Variants in ANKRD11 observed in about 807,000 individuals in gnomAD.
ANKRD11 encodes the protein ankyrin repeat domain 11.
ANKRD11 carries 17 observed loss-of-function variants against 195.7 expected under a neutral mutation model. The ratio of observed to expected loss-of-function variants is 0.09; its 90% confidence interval spans 0.06 to 0.13. ANKRD11 has a LOEUF of 0.13. ANKRD11 is among the 10% of genes least tolerant of loss of function. The pLI is 1.00. For synonymous variants in ANKRD11, 1,953 were observed against 1,528.1 expected, an observed-to-expected ratio of 1.28 and a Z score of -6.49; for missense variants, 3,735 against 3,566.1, an observed-to-expected ratio of 1.05 and a Z score of -1.21.
chr16:89,278,820 G>A (rs954412615), intron 9 of ANKRD11: 7 of 675,606 alleles, frequency 1.0e-5, no homozygotes, highest in African/African-American at 8.8e-5. Context: ...CACCCAGGGT[G>A]AGGGGGAGGT....
At chr16:89,475,396 G>C (rs761753081) in intron 1 of ANKRD11, among the ~76,000 whole-genome samples, 3 of 152,016 alleles carry the variant, frequency 2.0e-5, no homozygotes, top group Non-Finnish European at 4.4e-5. Context: ...TGAAAGCCCC[G>C]TAACCCACCA....
Position 89,279,483 on chromosome 16 carries a change from G to T in ANKRD11, c.7059C>A (p.Pro2353=), listed in dbSNP as rs896510600. Residue 2353 remains proline, a synonymous_variant, in exon 9 of 13, where the codon CCC becomes CCA. Coordinates refer to ENST00000301030, the MANE Select transcript of ANKRD11 (RefSeq NM_013275.6). This position sits in a 1 kb window ranked among gnomAD's most constrained non-coding sequence, Gnocchi z 5.6. ...TGGGGGCGCACTCCTTCTCGGAGGG[G>T]GGCGGGCCCTGCTTGCTCTGGTTCG... ...MLANQSKQGP[P]PSEKECAPTP... 10 of 1,365,832 alleles carry T rather than the reference G, an allele frequency of 7.3e-6. No homozygotes were observed. In the Admixed American group the frequency reaches 8.3e-5, roughly 11 times the overall value. 84.6% of individuals were successfully genotyped at this position (1,365,832 alleles called of 1,614,324 possible). A position where few individuals can be genotyped will look rare whatever the true frequency, so the allele number is the denominator to read the frequency against.
At chr16:89,447,811 T>C (rs1426770419) in intron 1 of ANKRD11, among the ~76,000 whole-genome samples, 2 of 150,782 alleles carry the variant, frequency 1.3e-5, no homozygotes, top group Admixed American at 1.3e-4. Flanking sequence ...TTTCTTTTTT[T>C]TTTTTTTTTT....
At chr16:89,315,710 T>A (rs2036913314) in intron 3 of ANKRD11, among the ~76,000 whole-genome samples, 1 of 152,186 alleles carries the variant, frequency 6.6e-6, no homozygotes, top group South Asian at 2.1e-4. Flanking sequence ...ATCAAGGGTC[T>A]CAGAGCTGCT....
At chr16:89,485,054 A>C (rs1425095255) in intron 1 of ANKRD11, among the ~76,000 whole-genome samples, 2 of 145,928 alleles carry the variant, frequency 1.4e-5, no homozygotes, top group Non-Finnish European at 3.0e-5. Flanking sequence ...GGAAGCCCAG[A>C]AGACTGGATT....
chr16:89,388,979 A>G (rs2041053711), intron 2 of ANKRD11, among the ~76,000 whole-genome samples: 1 of 152,220 alleles, frequency 6.6e-6, no homozygotes, highest in African/African-American at 2.4e-5. Flanking sequence ...TCCAGCACAT[A>G]ATGAGGTAAA....
chr16:89,398,735 T>C (rs570438417), intron 2 of ANKRD11, among the ~76,000 whole-genome samples: 62 of 151,710 alleles, frequency 4.1e-4, no homozygotes, highest in Admixed American at 7.2e-4. Flanking sequence ...CAGAGAGAGA[T>C]TGTGTGTCCA....
chr16:89,400,060 C>T lies in ANKRD11; in HGVS notation c.-60+18224G>A, dbSNP rs1276377747. Reference sequence around the variant, plus strand: ...TCATCTGCTGCCCCAGGCTTCCCTGCGCTGGGGGCCGGTCATCTGCTGCCC... The same window carrying T: ...TCATCTGCTGCCCCAGGCTTCCCTGTGCTGGGGGCCGGTCATCTGCTGCCC... On this transcript the variant is annotated intron_variant, in intron 2 of 12. Coordinates refer to ENST00000301030, the MANE Select transcript of ANKRD11 (RefSeq NM_013275.6). Among the ~76,000 whole-genome samples, 3 of 79,412 alleles carry T rather than the reference C, an allele frequency of 3.8e-5. 1 individual carries two copies. Among genetic ancestry groups the T allele is most frequent in the Non-Finnish European group, 7.8e-5 (3 of 38,484 alleles). The allele number at this position is 79,412 out of a possible 152,430, so 52.1% of individuals were successfully genotyped here. A position where few individuals can be genotyped will look rare whatever the true frequency, so the allele number is the denominator to read the frequency against.
At chr16:89,489,026 T>A (rs538094628) in intron 1 of ANKRD11, 2 of 152,244 alleles carry the variant, frequency 1.3e-5, no homozygotes, top group African/African-American at 4.8e-5. Context: ...GAAGCTGATA[T>A]ATAACACTAA....
At chr16:89,276,469 G>A (rs904581186) in intron 9 of ANKRD11, among the ~76,000 whole-genome samples, 6 of 152,202 alleles carry the variant, frequency 3.9e-5, no homozygotes, top group Admixed American at 1.3e-4. Context: ...TCCAGGTCAC[G>A]TCACCTATGA....
chr16:89,423,132 G>A (rs1047058169), intron 1 of ANKRD11, among the ~76,000 whole-genome samples: 2 of 152,222 alleles, frequency 1.3e-5, no homozygotes, highest in African/African-American at 2.4e-5. Context: ...CCTCCCGTGA[G>A]CCACCTTCCC....
chr16:89,466,679 T>C (rs2056896597), intron 1 of ANKRD11, among the ~76,000 whole-genome samples: 1 of 152,148 alleles, frequency 6.6e-6, no homozygotes, highest in African/African-American at 2.4e-5. Context: ...CAACATAGAA[T>C]TGAAACAGGT....
At chr16:89,334,538 C>T (rs1204502239) in intron 2 of ANKRD11, among the ~76,000 whole-genome samples, 2 of 152,160 alleles carry the variant, frequency 1.3e-5, no homozygotes, top group Non-Finnish European at 2.9e-5. Flanking sequence ...ACACCCCACC[C>T]ATGTGGGCAG....
intron 2 of ANKRD11, among the ~76,000 whole-genome samples, chr16:89,387,904 G>A (rs2040994222): frequency 6.6e-6 from 1 of 150,572 alleles, no homozygotes; most frequent in Admixed American, 6.6e-5. Flanking sequence ...CAACTACTGG[G>A]GAGACTGAGG....
At chr16:89,480,463 T>G (rs1417563278) in intron 1 of ANKRD11, among the ~76,000 whole-genome samples, 2 of 150,672 alleles carry the variant, frequency 1.3e-5, no homozygotes, top group African/African-American at 4.9e-5. Context: ...GGCGACAGAG[T>G]GAGACTCCAT....
chr16:89,476,615 G>A (rs1423240434), intron 1 of ANKRD11, among the ~76,000 whole-genome samples: 2 of 152,184 alleles, frequency 1.3e-5, no homozygotes, highest in Admixed American at 6.5e-5. Flanking sequence ...CAGCCTGGCA[G>A]TTACAGACAC....
chr16:89,327,598 A>T (rs985909717), intron 2 of ANKRD11, among the ~76,000 whole-genome samples: 8 of 152,236 alleles, frequency 5.3e-5, no homozygotes, highest in Admixed American at 2.0e-4. Context: ...AGAAATAAAG[A>T]CAGTACCATC....
chr16:89,286,232 ACTC>A (rs747900576), intron 7 of ANKRD11, 46 bp from the exon 8 acceptor site: 106 of 1,605,112 alleles, frequency 6.6e-5, no homozygotes, highest in African/African-American at 1.1e-4. Context: ...GAGAAGCACA[ACTC>A]CTCTACCGTT....
At chr16:89,273,695 CAA>C (rs370480077) in intron 11 of ANKRD11, among the ~76,000 whole-genome samples, 3 of 133,344 alleles carry the variant, frequency 2.2e-5, no homozygotes, top group African/African-American at 5.3e-5. Context: ...GACTCCGTCA[CAA>C]AAAAAAAAAG....
Sources: gnomAD v4.1 joint callset for allele counts (sites outside exome capture counted in the v4.1 genomes callset) on GRCh38, gnomAD v4.1.1 for gene constraint, Gnocchi (gnomAD v3.1) non-coding constraint, MANE v1.5 for transcripts, NCBI Gene and HGNC (gene_info 2026-07-23, HGNC 2026-07-21) for gene names.